The following AREL1 variants were observed in gnomAD, a reference collection of about 807,000 sequenced individuals.
AREL1 encodes the protein apoptosis resistant E3 ubiquitin protein ligase 1, also known as apoptosis-resistant E3 ubiquitin protein ligase 1.
A neutral mutation model predicts 99.0 loss-of-function variants in AREL1; 62 were observed. That is an observed-to-expected ratio of 0.63 (90% CI 0.51 to 0.77). The LOEUF (loss-of-function observed/expected upper bound fraction) is 0.77. AREL1 is among the 30% of genes least tolerant of loss of function. The pLI is 0.00. For missense variants in AREL1, 879 were observed against 1,027.6 expected, an observed-to-expected ratio of 0.86 and a Z score of 1.98; for synonymous variants, 380 against 376.5, an observed-to-expected ratio of 1.01 and a Z score of -0.11.
At chr14:74,705,365 G>A (rs1408353941) in intron 1 of AREL1, among the ~76,000 whole-genome samples, 1 of 152,106 alleles carries the variant, frequency 6.6e-6, no homozygotes, top group Non-Finnish European at 1.5e-5. Flanking sequence ...TCTGAATTTG[G>A]AAAGATTTTA....
chr14:74,673,793 A>G (rs1170649982), intron 9 of AREL1, among the ~76,000 whole-genome samples: 1 of 152,226 alleles, frequency 6.6e-6, no homozygotes, highest in Non-Finnish European at 1.5e-5. Flanking sequence ...GCAAAGGATC[A>G]CTGTTGAAGT....
chr14:74,682,794 CTCTT>C (rs1165960461), intron 5 of AREL1, among the ~76,000 whole-genome samples: 1 of 152,222 alleles, frequency 6.6e-6, no homozygotes, highest in African/African-American at 2.4e-5. Context: ...CTCTCTCTCT[CTCTT>C]GCTCCCTCTC....
intron 11 of AREL1, among the ~76,000 whole-genome samples, chr14:74,672,615 T>C (rs1450809377): frequency 2.0e-5 from 3 of 152,096 alleles, no homozygotes; most frequent in African/African-American, 7.2e-5. Context: ...CACATACCTA[T>C]AGTCCCAGCT....
rs149714260 is a variant in AREL1 at position 74,706,100 on chromosome 14, A to G, written c.-334+6833T>C. 5.9e-5 allele frequency among the ~76,000 whole-genome samples: 9 copies of G among 152,296 alleles called. No individual in the cohort carries two copies. The East Asian group carries it at 7.7e-4, about 13-fold the overall frequency. On this transcript the variant is annotated intron_variant, in intron 1 of 19. Transcript: ENST00000356357. ...TCCCTCCTATCTTGATGTGTTTTCT[A>G]TATACAAAACTGACTCTGCTATGCC...
intron 11 of AREL1, 141 bp downstream of exon 11, chr14:74,672,690 G>A (rs1015631112): frequency 2.4e-5 from 28 of 1,162,648 alleles, no homozygotes; most frequent in Non-Finnish European, 2.8e-5. Flanking sequence ...AGCCATGATC[G>A]CACCTCTGCA....
chr14:74,671,589 C>A, intron 11 of AREL1, 106 bp from the exon 12 acceptor site: 1 of 634,680 alleles, frequency 1.6e-6, no homozygotes. Context: ...CTAACTACGA[C>A]TGCCTGAAGG....
chr14:74,701,858 G>C (rs541712058), intron 1 of AREL1: 1 of 152,246 alleles, frequency 6.6e-6, no homozygotes, highest in Non-Finnish European at 1.5e-5. Flanking sequence ...CCAAATGGGA[G>C]AAATTGGCCA....
At chr14:74,691,804 T>C (rs1278612478) in intron 2 of AREL1, among the ~76,000 whole-genome samples, 1 of 152,226 alleles carries the variant, frequency 6.6e-6, no homozygotes, top group Non-Finnish European at 1.5e-5. Flanking sequence ...AGATTTTTAA[T>C]TACAGTAGCA....
At chr14:74,664,690 A>AC (rs1199376890) in intron 18 of AREL1, 146 bp downstream of exon 18, 7 of 500,524 alleles carry the variant, frequency 1.4e-5, no homozygotes, top group Admixed American at 6.5e-5. Flanking sequence ...AAAACTCCTG[A>AC]CTTTGTGATC....
chr14:74,674,277 C>T (rs538934671), intron 8 of AREL1, among the ~76,000 whole-genome samples, 166 bp from the exon 9 acceptor site: 10 of 152,160 alleles, frequency 6.6e-5, no homozygotes, highest in African/African-American at 2.4e-4. Flanking sequence ...AATACATTAA[C>T]TCTCTATTTA....
intron 13 of AREL1, 198 bp downstream of exon 13, chr14:74,670,564 C>A: frequency 1.9e-6 from 1 of 539,746 alleles, no homozygotes. Flanking sequence ...CAGCTGCCTG[C>A]ATTTTTGCTT....
At chr14:74,672,512 G>GT (rs2089372645) in intron 11 of AREL1, among the ~76,000 whole-genome samples, 4 of 152,170 alleles carry the variant, frequency 2.6e-5, no homozygotes. Flanking sequence ...TGAGGCGGGT[G>GT]TATCACTTGA....
At position 74,676,289 on chromosome 14, in the gene AREL1, G is replaced by A; in HGVS notation, c.684C>T (p.Val228=). ...LGPQEEESTG[V]SFEKSVTSNR... Reference sequence around the variant, plus strand: ...TGGATGTTACTGATTTCTCAAATGAGACACCAGTACTCTCTTCTTCTTGAG... The same window carrying A: ...TGGATGTTACTGATTTCTCAAATGAAACACCAGTACTCTCTTCTTCTTGAG... Residue 228 remains valine (V), a synonymous_variant, in exon 7 of 20, where the codon GTC becomes GTT. Transcript: ENST00000356357. 6.2e-7 allele frequency: 1 copy of A among 1,614,118 alleles called. No homozygotes were observed. Among genetic ancestry groups the A allele is most frequent in the East Asian group, 2.2e-5 (1 of 44,884 alleles).
chr14:74,663,888 C>G lies in AREL1; in HGVS notation c.2369+11G>C. 1 of 1,614,162 alleles carries G rather than the reference C, an allele frequency of 6.2e-7. No individual in the cohort carries two copies. Among genetic ancestry groups the G allele is most frequent in the Non-Finnish European group, 8.5e-7 (1 of 1,180,014 alleles). ...AAACACTGGGCATGCATCAGGCGGG[C>G]AGATACCTACCATGTGTGTGCAGTA... On this transcript the variant is annotated intron_variant, in intron 19 of 19. Coordinates refer to ENST00000356357, the MANE Select transcript of AREL1 (RefSeq NM_001039479.2).
At chr14:74,711,853 A>G (rs2090297917) in intron 1 of AREL1, 1 of 152,098 alleles carries the variant, frequency 6.6e-6, no homozygotes, top group Admixed American at 6.5e-5. Flanking sequence ...TCAGACTCCA[A>G]AGTTCGTGTT....
chr14:74,686,784 A>G (rs2089758039), intron 2 of AREL1, among the ~76,000 whole-genome samples: 1 of 152,210 alleles, frequency 6.6e-6, no homozygotes. Flanking sequence ...TTTCATACAA[A>G]TCCTACTTAG....
intron 1 of AREL1, among the ~76,000 whole-genome samples, chr14:74,696,212 T>C (rs1334002966): frequency 1.3e-5 from 2 of 152,148 alleles, no homozygotes; most frequent in Non-Finnish European, 2.9e-5. Flanking sequence ...ACAACTACCT[T>C]ATATAAACAA....
At chr14:74,710,890 T>G (rs1197087609) in intron 1 of AREL1, among the ~76,000 whole-genome samples, 1 of 152,172 alleles carries the variant, frequency 6.6e-6, no homozygotes, top group Non-Finnish European at 1.5e-5. Flanking sequence ...ACTTAATGTT[T>G]TGAGGTTTAT....
rs115139249 is a variant in AREL1, at chr14:74,698,142, C to T, written c.-333-5814G>A. Among the ~76,000 whole-genome samples the T allele has an allele frequency of 8.3e-3, 1,258 of 152,208 alleles. 15 individuals are homozygous for T. Among genetic ancestry groups the T allele is most frequent in the African/African-American group, 0.024 (1,001 of 41,514 alleles). ...GAAAGGCTGCTTGGGCCTCTGCTCC[C>T]GGCACCAAGGAGTTAACATATCCTT... is the stretch of plus-strand genomic sequence containing the variant. On this transcript the variant is annotated intron_variant, in intron 1 of 19. Coordinates refer to ENST00000356357, the MANE Select transcript of AREL1 (RefSeq NM_001039479.2).
Sources: allele counts gnomAD v4.1 joint callset (sites outside exome capture counted in the v4.1 genomes callset), GRCh38; gene constraint gnomAD v4.1.1; transcripts MANE v1.5; gene names NCBI Gene and HGNC (gene_info 2026-07-23, HGNC 2026-07-21).